The following MAML3 variants were observed in gnomAD, a reference collection of about 807,000 sequenced individuals.
MAML3 encodes mastermind like transcriptional coactivator 3, also known as mastermind-like protein 3.
Under a neutral mutation model 101.9 loss-of-function variants are expected in MAML3, and 27 were observed. The observed-to-expected ratio is 0.27, with a 90% confidence interval of 0.20 to 0.37. The LOEUF is 0.37. Among genes scored for constraint, MAML3 ranks in the 10% least tolerant of loss-of-function variants. MAML3 has a pLI of 1.00. For synonymous variants in MAML3, 501 were observed against 555.9 expected, an observed-to-expected ratio of 0.90 and a Z score of 1.39; for missense variants, 1,316 against 1,444.9, an observed-to-expected ratio of 0.91 and a Z score of 1.45.
intron 1 of MAML3, among the ~76,000 whole-genome samples, chr4:140,096,906 T>TTA (rs1728174460): frequency 6.6e-6 from 1 of 151,232 alleles, no homozygotes; most frequent in African/African-American, 2.4e-5. Flanking sequence ...TGATTTTTTT[T>TTA]AAGGAGTTTT....
chr4:139,915,678 G>T (rs532637802), intron 1 of MAML3, among the ~76,000 whole-genome samples: 46 of 152,278 alleles, frequency 3.0e-4, no homozygotes, highest in African/African-American at 1.1e-3. Context: ...AAGTCTGGTG[G>T]CTAAGCAGCA....
chr4:139,878,670 A>G (rs542469527), intron 2 of MAML3, among the ~76,000 whole-genome samples: 1 of 152,270 alleles, frequency 6.6e-6, no homozygotes, highest in East Asian at 1.9e-4. Context: ...AATGGAATGA[A>G]GTTGGGCATC....
chr4:140,049,347 C>G (rs985462745), intron 1 of MAML3, among the ~76,000 whole-genome samples: 1 of 152,106 alleles, frequency 6.6e-6, no homozygotes, highest in African/African-American at 2.4e-5. Context: ...CAGCTTTTAC[C>G]AGCCTATGGG....
intron 1 of MAML3, among the ~76,000 whole-genome samples, chr4:140,030,786 G>T (rs1421826591): frequency 2.0e-5 from 3 of 152,154 alleles, no homozygotes; most frequent in African/African-American, 7.2e-5. Flanking sequence ...CCCGCCACTG[G>T]GCAAGCCTCA....
At chr4:139,727,937 C>T (rs1188485168) in intron 3 of MAML3, among the ~76,000 whole-genome samples, 7 of 152,094 alleles carry the variant, frequency 4.6e-5, no homozygotes, top group Non-Finnish European at 1.5e-5. Flanking sequence ...GAGAGCTGGC[C>T]GGGTGCCGTG....
intron 1 of MAML3, among the ~76,000 whole-genome samples, chr4:140,093,814 A>C (rs562599739): frequency 6.6e-6 from 1 of 152,278 alleles, no homozygotes; most frequent in African/African-American, 2.4e-5. Context: ...CTTTTCTCCC[A>C]GAAGGTTGAA....
intron 4 of MAML3, among the ~76,000 whole-genome samples, chr4:139,724,565 G>T (rs986662457): frequency 1.3e-5 from 2 of 152,254 alleles, no homozygotes; most frequent in Non-Finnish European, 2.9e-5. Context: ...TTCTCTGCAA[G>T]AGGCTTCATA....
chr4:139,906,380 G>T (rs1374016107), intron 1 of MAML3, among the ~76,000 whole-genome samples: 3 of 152,202 alleles, frequency 2.0e-5, no homozygotes, highest in Admixed American at 1.3e-4. Flanking sequence ...GGAGGCAAAA[G>T]TTAGCCTGCC....
chr4:139,757,147 C>A (rs1422587380), intron 2 of MAML3, among the ~76,000 whole-genome samples: 1 of 152,150 alleles, frequency 6.6e-6, no homozygotes, highest in African/African-American at 2.4e-5. Context: ...CATATCCAAG[C>A]TATGAGAGAA....
intron 2 of MAML3, among the ~76,000 whole-genome samples, chr4:139,804,359 C>T (rs1431845980): frequency 6.6e-6 from 1 of 151,934 alleles, no homozygotes; most frequent in Non-Finnish European, 1.5e-5. Flanking sequence ...CTCCGCCTCC[C>T]GGGTTCAAGC....
At chr4:139,790,206 A>G (rs1226897308) in intron 2 of MAML3, among the ~76,000 whole-genome samples, 2 of 108,394 alleles carry the variant, frequency 1.8e-5, no homozygotes, top group African/African-American at 7.3e-5. Context: ...TGTCAACTCC[A>G]CCCTAGTGAC....
intron 1 of MAML3, among the ~76,000 whole-genome samples, chr4:139,949,405 G>A (rs975064301): frequency 1.3e-5 from 2 of 152,152 alleles, no homozygotes; most frequent in African/African-American, 4.8e-5. Flanking sequence ...CTCTGTGATA[G>A]CCCATGTACT....
At chr4:140,002,393 T>A (rs1734940820) in intron 1 of MAML3, among the ~76,000 whole-genome samples, 1 of 152,220 alleles carries the variant, frequency 6.6e-6, no homozygotes, top group African/African-American at 2.4e-5. Context: ...TTTGAATAGA[T>A]GTAAAGTCTG....
At chr4:139,842,185 C>T (rs1027536316) in intron 2 of MAML3, among the ~76,000 whole-genome samples, 4 of 152,202 alleles carry the variant, frequency 2.6e-5, no homozygotes, top group African/African-American at 9.7e-5. Flanking sequence ...TACAGATCAA[C>T]CTGGGCACTG....
intron 1 of MAML3, among the ~76,000 whole-genome samples, chr4:140,011,258 A>ATG (rs1309154973): frequency 2.1e-5 from 3 of 143,228 alleles, no homozygotes; most frequent in East Asian, 2.0e-4. Flanking sequence ...ATATATGACA[A>ATG]ACAGACCCAA....
rs113201215 is a variant in MAML3, at chr4:140,120,186, A to G, written c.468+32674T>C. On this transcript the variant is annotated intron_variant, in intron 1 of 4. Transcript: ENST00000509479. ...CGGGAGGCGGAGCTTGCAGTGAGCC[A>G]AGATCGCGCCACCGCACTCCAGCCT... Among the ~76,000 whole-genome samples, 717 of 149,834 alleles carry G rather than the reference A, an allele frequency of 4.8e-3. 7 individuals are homozygous for G. Among genetic ancestry groups the G allele is most frequent in the African/African-American group, 0.016 (644 of 40,590 alleles).
chr4:139,954,923 G>C (rs1560847873), intron 1 of MAML3, among the ~76,000 whole-genome samples: 1 of 151,764 alleles, frequency 6.6e-6, no homozygotes, highest in Non-Finnish European at 1.5e-5. Context: ...AAAAATTAAA[G>C]AATAACAATG....
rs762686356 is a variant in MAML3 at position 139,826,130 on chromosome 4, G to A, written c.2079+63227C>T. On this transcript the variant is annotated intron_variant, in intron 2 of 4. Coordinates refer to ENST00000509479, the MANE Select transcript of MAML3 (RefSeq NM_018717.5). ...TTCACAGAAGCTTTTTCCTTCGCAC[G>A]TGAGAAGATTGTGCTCTCGGTGTCT... Among the ~76,000 whole-genome samples the A allele has an allele frequency of 1.6e-4, 25 of 152,012 alleles. 1 individual carries two copies. The highest frequency in any genetic ancestry group is 2.2e-4 in the African/African-American group (9 of 41,352).
At chr4:139,761,637 G>A (rs1729763092) in intron 2 of MAML3, among the ~76,000 whole-genome samples, 1 of 152,230 alleles carries the variant, frequency 6.6e-6, no homozygotes, top group Non-Finnish European at 1.5e-5. Flanking sequence ...GTCAGGAAGT[G>A]TGCTACTTGA....
Sources: gnomAD v4.1 joint callset for allele counts (sites outside exome capture counted in the v4.1 genomes callset) on GRCh38, gnomAD v4.1.1 for gene constraint, MANE v1.5 for transcripts, NCBI Gene and HGNC (gene_info 2026-07-23, HGNC 2026-07-21) for gene names.